RBFOX1: variants seen among roughly 807,000 people sequenced by gnomAD.
RBFOX1 encodes the protein RNA binding protein fox-1 homolog 1.
A neutral mutation model predicts 57.7 loss-of-function variants in RBFOX1; 8 were observed. The ratio of observed to expected loss-of-function variants is 0.14; its 90% confidence interval spans 0.08 to 0.25. The LOEUF is 0.25. RBFOX1 is among the 10% of genes least tolerant of loss of function. RBFOX1 has a pLI of 1.00. For missense variants in RBFOX1, 611 were observed against 548.5 expected (o/e 1.11, Z -1.14); for synonymous variants, 326 against 222.4 (o/e 1.47, Z -4.15).
At position 6,582,435 on chromosome 16, in the gene RBFOX1, C is replaced by T. The variant is rs905211140; in HGVS notation, c.-63-72168C>T. Among the ~76,000 whole-genome samples, 5 of 145,424 alleles carry T rather than the reference C, an allele frequency of 3.4e-5. No homozygotes were observed. The East Asian group carries it at 8.2e-4, about 24-fold the overall frequency. ...ATAATTAAGCAGTTATTAATTTTGT[C>T]TTTGTTCCTTGAAATGTTAGCGCCA... On this transcript the variant is annotated intron_variant, in intron 2 of 15. Coordinates refer to ENST00000550418, the MANE Select transcript of RBFOX1 (RefSeq NM_018723.4).
At chr16:6,966,855 C>G (rs567107458) in intron 3 of RBFOX1, among the ~76,000 whole-genome samples, 1 of 151,820 alleles carries the variant, frequency 6.6e-6, no homozygotes, top group East Asian at 2.0e-4. Flanking sequence ...ATCCATCTAT[C>G]CACACATCCA....
intron 4 of RBFOX1, among the ~76,000 whole-genome samples, chr16:5,956,879 C>T (rs1392140735): frequency 4.0e-5 from 6 of 150,676 alleles, no homozygotes; most frequent in African/African-American, 1.5e-4. Flanking sequence ...CCATTTTGGC[C>T]AGGCTGCTTG....
Position 5,947,414 on chromosome 16 carries a change from C to CCAA in RBFOX1, c.351+80079_351+80080insCAA, listed in dbSNP as rs143076546. Among the ~76,000 whole-genome samples the CCAA allele has an allele frequency of 2.5e-4, 38 of 152,282 alleles. No homozygotes were observed. The East Asian group carries it at 7.0e-3, about 28-fold the overall frequency. ...AGACAGGGTCTTGCTCTCGCTCAGA[C>CCAA]TGGAGTGCATTGGTATGATCATGGC... is the stretch of plus-strand genomic sequence containing the variant. On this transcript the variant is annotated intron_variant, in intron 4 of 19. Transcript: ENST00000641259. The surrounding 1 kb of genome is among the most constrained non-coding windows in gnomAD (Gnocchi z 7.2).
chr16:5,643,060 C>T (rs891004980), intron 3 of RBFOX1, among the ~76,000 whole-genome samples: 3 of 152,194 alleles, frequency 2.0e-5, no homozygotes, highest in East Asian at 1.9e-4. Context: ...TATTCTTGCT[C>T]CTCCAGATTG....
chr16:6,997,316 C>T (rs2092346590), intron 3 of RBFOX1, among the ~76,000 whole-genome samples: 3 of 152,114 alleles, frequency 2.0e-5, no homozygotes, highest in Non-Finnish European at 4.4e-5. Flanking sequence ...GTTAAAATAA[C>T]ATACTTATCA....
chr16:6,707,613 A>G (rs1449141176), intron 3 of RBFOX1, among the ~76,000 whole-genome samples: 1 of 151,868 alleles, frequency 6.6e-6, no homozygotes, highest in African/African-American at 2.4e-5. Flanking sequence ...TGAATTGAAG[A>G]TGCTGGATCT....
At chr16:6,723,228 C>T (rs1332836898) in intron 3 of RBFOX1, among the ~76,000 whole-genome samples, 1 of 152,128 alleles carries the variant, frequency 6.6e-6, no homozygotes, top group Non-Finnish European at 1.5e-5. Flanking sequence ...GTGGCTTTCC[C>T]ACTAATACTG....
At chr16:7,157,342 G>T (rs973570014) in intron 4 of RBFOX1, among the ~76,000 whole-genome samples, 1 of 152,048 alleles carries the variant, frequency 6.6e-6, no homozygotes, top group African/African-American at 2.4e-5. Flanking sequence ...TGTGTAATAT[G>T]AGATACCATT....
chr16:5,897,109 C>G (rs11859459), intron 4 of RBFOX1, among the ~76,000 whole-genome samples: 1 of 144,780 alleles, frequency 6.9e-6, no homozygotes, highest in African/African-American at 2.6e-5. Flanking sequence ...AATCTCGGCT[C>G]ACTGCAAGCT....
At chr16:6,732,604 G>A (rs2068950532) in intron 3 of RBFOX1, among the ~76,000 whole-genome samples, 1 of 152,226 alleles carries the variant, frequency 6.6e-6, no homozygotes, top group Non-Finnish European at 1.5e-5. Context: ...AGGTCTGCAA[G>A]GCAGGGACCC....
At chr16:6,700,424 G>A (rs1227542815) in intron 3 of RBFOX1, among the ~76,000 whole-genome samples, 2 of 152,072 alleles carry the variant, frequency 1.3e-5, no homozygotes, top group Middle Eastern at 3.4e-3. Flanking sequence ...TTGGGAGGCC[G>A]AAGCAGGCGG....
chr16:6,384,094 T>A (rs1296083317), intron 2 of RBFOX1, among the ~76,000 whole-genome samples: 1 of 147,922 alleles, frequency 6.8e-6, no homozygotes, highest in Non-Finnish European at 1.5e-5. Context: ...AAGATGTTGC[T>A]AAATTTGCTT....
At chr16:6,501,812 C>T (rs990429366) in intron 2 of RBFOX1, among the ~76,000 whole-genome samples, 5 of 138,290 alleles carry the variant, frequency 3.6e-5, no homozygotes, top group African/African-American at 1.3e-4. Flanking sequence ...AGGCTCTTTG[C>T]TGACACTGGG....
intron 1 of RBFOX1, among the ~76,000 whole-genome samples, chr16:5,431,310 G>T (rs2151512912): frequency 6.6e-6 from 1 of 152,296 alleles, no homozygotes; most frequent in South Asian, 2.1e-4. Context: ...CAACCGTGCA[G>T]AAATACTTGG....
intron 3 of RBFOX1, among the ~76,000 whole-genome samples, chr16:7,009,936 T>A (rs2093568699): frequency 6.6e-6 from 1 of 152,164 alleles, no homozygotes; most frequent in Non-Finnish European, 1.5e-5. Context: ...CTTTTGCCAT[T>A]GGCTACAAGG....
chr16:7,047,398 G>C (rs11640697), intron 3 of RBFOX1, among the ~76,000 whole-genome samples: 117,062 of 152,040 alleles, frequency 0.77, 45,241 homozygotes, highest in East Asian at 0.92. Flanking sequence ...TGTTTGTTTA[G>C]TTTGGATTTT....
chr16:7,007,646 T>G (rs1055354952), intron 3 of RBFOX1, among the ~76,000 whole-genome samples: 14 of 152,204 alleles, frequency 9.2e-5, no homozygotes, highest in African/African-American at 3.4e-4. Flanking sequence ...ACGTTTCTAC[T>G]CTTTCTTGTT....
chr16:6,849,040 C>G (rs8054990), intron 3 of RBFOX1, among the ~76,000 whole-genome samples: 6,838 of 152,264 alleles, frequency 0.045, 239 homozygotes, highest in African/African-American at 0.086. Flanking sequence ...TTACGTGTCC[C>G]TGAACCTGCA....
At chr16:7,215,067 C>A (rs562056796) in intron 4 of RBFOX1, among the ~76,000 whole-genome samples, 5 of 152,198 alleles carry the variant, frequency 3.3e-5, no homozygotes, top group Admixed American at 6.5e-5. Flanking sequence ...GTCTCCACCC[C>A]CCGCGGACAG....
Sources: gnomAD v4.1 joint callset for allele counts (sites outside exome capture counted in the v4.1 genomes callset) on GRCh38, gnomAD v4.1.1 for gene constraint, Gnocchi (gnomAD v3.1) non-coding constraint, MANE v1.5 for transcripts, NCBI Gene and HGNC (gene_info 2026-07-23, HGNC 2026-07-21) for gene names.